Variants in ARHGEF10L observed in about 807,000 individuals in gnomAD.
The protein encoded by ARHGEF10L is rho guanine nucleotide exchange factor 10-like protein.
Under a neutral mutation model 141.2 loss-of-function variants are expected in ARHGEF10L, and 69 were observed. The ratio of observed to expected loss-of-function variants is 0.49; its 90% CI spans 0.40 to 0.60. The LOEUF is 0.60. Among genes scored for constraint, ARHGEF10L ranks in the 20% least tolerant of loss-of-function variants. The probability of loss-of-function intolerance (pLI) is 0.00; values close to 1 mark genes in which losing one functional copy is unlikely to be tolerated. For missense variants in ARHGEF10L, 1,482 were observed against 1,734.3 expected (o/e 0.85, Z 2.58); for synonymous variants, 711 against 718.5 (o/e 0.99, Z 0.17).
At chr1:17,610,076 G>A (rs1438775943) in intron 7 of ARHGEF10L, among the ~76,000 whole-genome samples, 5 of 152,186 alleles carry the variant, frequency 3.3e-5, no homozygotes, top group Non-Finnish European at 5.9e-5. Flanking sequence ...GAAACCATGC[G>A]TGTCTCTCAG....
intron 1 of ARHGEF10L, among the ~76,000 whole-genome samples, chr1:17,572,759 G>A (rs947528156): frequency 2.0e-5 from 3 of 152,194 alleles, no homozygotes; most frequent in African/African-American, 7.2e-5. Flanking sequence ...TAGGTGCGCA[G>A]TGAGAAGTTG....
At chr1:17,685,260 C>T (rs897639668) in intron 26 of ARHGEF10L, among the ~76,000 whole-genome samples, 4 of 152,186 alleles carry the variant, frequency 2.6e-5, no homozygotes, top group African/African-American at 9.7e-5. Flanking sequence ...CAGCTCAACC[C>T]CCTCCAGTGG....
At chr1:17,630,985 G>T (rs937183008) in intron 15 of ARHGEF10L, among the ~76,000 whole-genome samples, 2 of 151,696 alleles carry the variant, frequency 1.3e-5, no homozygotes, top group Non-Finnish European at 2.9e-5. Context: ...GGATGCTCGG[G>T]GTGATCTGTC....
In ARHGEF10L at chr1:17,627,458, C is replaced by T; in HGVS notation, c.1539C>T (p.Ile513=). Residue 513 remains isoleucine (I), a synonymous_variant, in exon 15 of 29, where the codon ATC becomes ATT. Transcript: ENST00000361221. This position sits in a 1 kb window ranked among gnomAD's most constrained non-coding sequence, Gnocchi z 4.0. ...GGCTGGCTGACCAGGTGGCTGAGAT[C>T]CAGCAGCTGACCAAGAGCGTCAGTG... ...QKRLADQVAE[I]QQLTKSVSDR... 6.2e-7 allele frequency: 1 copy of T among 1,613,130 alleles called. No homozygotes were observed. Among genetic ancestry groups the T allele is most frequent in the Non-Finnish European group, 8.5e-7 (1 of 1,180,018 alleles).
intron 7 of ARHGEF10L, among the ~76,000 whole-genome samples, chr1:17,611,562 A>G (rs2059552023): frequency 6.6e-6 from 1 of 151,784 alleles, no homozygotes; most frequent in African/African-American, 2.4e-5. Flanking sequence ...CCATCCATCC[A>G]TCCATCCATC....
At chr1:17,583,827 A>G (rs75765840) in intron 2 of ARHGEF10L, among the ~76,000 whole-genome samples, 3,359 of 152,112 alleles carry the variant, frequency 0.022, 97 homozygotes, top group East Asian at 0.078. Flanking sequence ...GTGGGTAGGG[A>G]CTTTGTGGTC....
the ARHGEF10L span, among the ~76,000 whole-genome samples, chr1:17,524,364 T>TACACACACACAC: frequency 6.8e-3 from 793 of 116,050 alleles, 13 homozygotes; most frequent in Admixed American, 0.013. Flanking sequence ...ACCCCGTCTC[T>TACACACACACAC]ACACACACAC....
At chr1:17,634,311 T>A (rs2060870137) in intron 16 of ARHGEF10L, 1 of 672,224 alleles carries the variant, frequency 1.5e-6, no homozygotes, top group South Asian at 1.8e-5. Context: ...TGAGGATCAG[T>A]GTCCTTGTCT....
intron 7 of ARHGEF10L, among the ~76,000 whole-genome samples, chr1:17,608,964 G>A (rs2059400093): frequency 6.6e-6 from 1 of 152,058 alleles, no homozygotes; most frequent in African/African-American, 2.4e-5. Flanking sequence ...TTGTATTTTT[G>A]TAGAGATGGG....
chr1:17,517,628 A>G, the ARHGEF10L span, among the ~76,000 whole-genome samples: 1 of 151,860 alleles, frequency 6.6e-6, no homozygotes, highest in African/African-American at 2.4e-5. Flanking sequence ...AGTATAACAC[A>G]TGTAAGAGCC....
At chr1:17,617,370 G>A (rs564686511) in intron 9 of ARHGEF10L, among the ~76,000 whole-genome samples, 86 of 152,308 alleles carry the variant, frequency 5.6e-4, no homozygotes, top group African/African-American at 7.9e-4. Context: ...CCCTTCAGGT[G>A]CCTACCCTTG....
intron 26 of ARHGEF10L, among the ~76,000 whole-genome samples, chr1:17,668,737 C>T (rs944736022): frequency 2.6e-5 from 4 of 152,212 alleles, no homozygotes; most frequent in African/African-American, 4.8e-5. Flanking sequence ...GTTCGCTGCG[C>T]GGTGCGGGCA....
intron 26 of ARHGEF10L, among the ~76,000 whole-genome samples, chr1:17,685,288 T>G (rs1035114810): frequency 2.0e-5 from 3 of 152,216 alleles, no homozygotes; most frequent in African/African-American, 4.8e-5. Context: ...AAATCTAAAC[T>G]GTTCCCCATG....
At chr1:17,560,449 T>C (rs1405477942) in intron 1 of ARHGEF10L, among the ~76,000 whole-genome samples, 1 of 152,138 alleles carries the variant, frequency 6.6e-6, no homozygotes. Context: ...AATGCCCCTT[T>C]TGTGAAGTGG....
intron 1 of ARHGEF10L, among the ~76,000 whole-genome samples, chr1:17,564,198 G>A (rs994147603): frequency 6.6e-6 from 1 of 152,200 alleles, no homozygotes; most frequent in African/African-American, 2.4e-5. Context: ...TGCATCTCCA[G>A]GGTGGTGGCT....
intron 4 of ARHGEF10L, among the ~76,000 whole-genome samples, chr1:17,599,272 G>A (rs1037079959): frequency 9.9e-5 from 15 of 151,450 alleles, no homozygotes; most frequent in African/African-American, 2.9e-4. Context: ...GGAGGTAGAG[G>A]TTGCAGTGAG....
At chr1:17,648,493 C>T (rs2061725934) in intron 21 of ARHGEF10L, 61 bp from the exon 22 acceptor site, 8 of 1,593,076 alleles carry the variant, frequency 5.0e-6, no homozygotes, top group Non-Finnish European at 6.0e-6. Context: ...GAGGGCTCCT[C>T]ATGGCCCAGT....
chr1:17,662,502 C>T lies in ARHGEF10L; in HGVS notation c.2861-1945C>T, dbSNP rs560440105. Among the ~76,000 whole-genome samples the T allele has an allele frequency of 3.9e-5, 6 of 152,290 alleles. No homozygotes were observed. The East Asian group carries it at 1.2e-3, about 29-fold the overall frequency. The stretch of plus-strand genomic sequence containing the variant: ...TCCCTTGGTGCTCACGCTGGCTGGC[C>T]GGGCAGAGCGCTCTGTGTGCCTGGA... On this transcript the variant is annotated intron_variant, in intron 25 of 28. Transcript: ENST00000361221.
At position 17,632,437 on chromosome 1, in the gene ARHGEF10L, C is replaced by T; in HGVS notation, c.1701C>T (p.Asp567=). 1 of 1,614,152 alleles carries T rather than the reference C, an allele frequency of 6.2e-7. No homozygotes were observed. The change falls in exon 16 of 29, where the codon GAC becomes GAT. Residue 567 remains aspartate (D), a synonymous_variant. Transcript: ENST00000361221. The stretch of plus-strand genomic sequence containing the variant: ...AGCGTCGGGTCTTCCTGCTCAACGA[C>T]ATGCTTGTCTGTGCCAACATCAACT... ...SKERRVFLLN[D]MLVCANINFK... is the part of the protein sequence containing the mutation.
Sources: gnomAD v4.1 joint callset for allele counts (sites outside exome capture counted in the v4.1 genomes callset) on GRCh38, gnomAD v4.1.1 for gene constraint, Gnocchi (gnomAD v3.1) non-coding constraint, MANE v1.5 for transcripts, NCBI Gene and HGNC (gene_info 2026-07-23, HGNC 2026-07-21) for gene names.